MYBL2: variants seen among roughly 807,000 people sequenced by gnomAD.
MYBL2 encodes MYB proto-oncogene like 2, also known as myb-related protein B.
Under a neutral mutation model 79.9 loss-of-function variants are expected in MYBL2, and 28 were observed. The observed-to-expected ratio is 0.35, with a 90% confidence interval of 0.26 to 0.48. The LOEUF is 0.48. MYBL2 is among the 20% of genes least tolerant of loss of function. The pLI, the probability that MYBL2 is intolerant of heterozygous loss-of-function variation, is 0.99. For missense variants in MYBL2, 735 were observed against 893.9 expected (o/e 0.82, Z 2.27); for synonymous variants, 378 against 361.2 (o/e 1.05, Z -0.53).
intron 2 of MYBL2, among the ~76,000 whole-genome samples, chr20:43,674,228 C>CCA (rs983555288): frequency 8.9e-6 from 1 of 111,820 alleles, no homozygotes; most frequent in African/African-American, 3.0e-5. Context: ...TGTAACTCCC[C>CCA]CCACCCTTTT....
intron 5 of MYBL2, among the ~76,000 whole-genome samples, chr20:43,689,689 T>C (rs1987361024): frequency 6.6e-6 from 1 of 152,232 alleles, no homozygotes; most frequent in Non-Finnish European, 1.5e-5. Flanking sequence ...GAGTAGTGTG[T>C]ACCCCAGTTG....
chr20:43,692,307 C>T lies in MYBL2; in HGVS notation c.651C>T (p.Pro217=), dbSNP rs200332120. The part of the protein sequence containing the change: ...EDKDGLQSAQ[P]TEGQGSLLTN... ...AGGACGGCCTCCAGAGTGCCCAGCC[C>T]ACGGAAGGCCAGGTGAGACAGCTGC... Residue 217 remains proline, a synonymous_variant, in exon 6 of 14, where the codon CCC becomes CCT. Transcript: ENST00000217026. The T allele has an allele frequency of 6.2e-6, 10 of 1,614,078 alleles. No homozygotes were observed. The highest frequency in any genetic ancestry group is 7.6e-6 in the Non-Finnish European group (9 of 1,179,960).
intron 4 of MYBL2, among the ~76,000 whole-genome samples, chr20:43,685,722 C>T (rs1389673515): frequency 1.3e-5 from 2 of 151,016 alleles, no homozygotes; most frequent in Non-Finnish European, 3.0e-5. Context: ...CCCACTGCAC[C>T]CCAGCCTGGG....
chr20:43,713,606 C>T (rs766005146), intron 12 of MYBL2, among the ~76,000 whole-genome samples: 53 of 152,094 alleles, frequency 3.5e-4, no homozygotes, highest in Admixed American at 8.5e-4. Flanking sequence ...AGGCTGGTCT[C>T]GAACTCCCCA....
chr20:43,688,765 G>A (rs1003955852), intron 5 of MYBL2, among the ~76,000 whole-genome samples: 2 of 151,918 alleles, frequency 1.3e-5, no homozygotes, highest in African/African-American at 4.8e-5. Flanking sequence ...CTTATTTTGT[G>A]GTTTCAATAG....
rs531746265 is a variant in MYBL2 at position 43,710,788 on chromosome 20, C to T, written c.1606-700C>T. 3.7e-4 allele frequency among the ~76,000 whole-genome samples: 57 copies of T among 152,284 alleles called. 1 individual carries two copies. The highest frequency in any genetic ancestry group is 1.2e-3 in the African/African-American group (51 of 41,576). On this transcript the variant is annotated intron_variant, in intron 10 of 13. Transcript: ENST00000217026. Reference sequence around the variant, plus strand: ...GATTCTGAGTCAAGCAGACTTTCCACGGACCATGCTACATGAGCCGAGGTG... The same window carrying T: ...GATTCTGAGTCAAGCAGACTTTCCATGGACCATGCTACATGAGCCGAGGTG...
intron 4 of MYBL2, among the ~76,000 whole-genome samples, chr20:43,684,532 G>T (rs1212993269): frequency 1.4e-5 from 2 of 145,622 alleles, no homozygotes. Context: ...ACTGTGCCCG[G>T]CCTTTTTTTT....
chr20:43,690,199 T>G (rs926954556), intron 5 of MYBL2, among the ~76,000 whole-genome samples: 10 of 151,956 alleles, frequency 6.6e-5, no homozygotes, highest in Non-Finnish European at 1.3e-4. Flanking sequence ...TTTGTTTTTT[T>G]TTTTTTGTTT....
chr20:43,713,251 A>T lies in MYBL2; in HGVS notation c.1824+145A>T, dbSNP rs1015130140. The T allele has an allele frequency of 2.4e-5, 15 of 626,470 alleles. No homozygotes were observed. The Admixed American group carries it at 4.1e-4, about 17-fold the overall frequency. 38.8% of individuals were successfully genotyped at this position (626,470 alleles called of 1,614,324 possible). A position where few individuals can be genotyped will look rare whatever the true frequency, so the allele number is the denominator to read the frequency against. ...GGAGGGTGGGTCCGGGCACCCACTC[A>T]TGGCTTCAGTCAGCAGCTCTGCTTG... On this transcript the variant is annotated intron_variant, in intron 12 of 13. Coordinates refer to ENST00000217026, the MANE Select transcript of MYBL2 (RefSeq NM_002466.4).
chr20:43,705,763 C>T (rs1025167772), intron 9 of MYBL2, among the ~76,000 whole-genome samples: 9 of 151,436 alleles, frequency 5.9e-5, no homozygotes, highest in Admixed American at 3.3e-4. Flanking sequence ...TGCAATGGCG[C>T]GATCTTGGCT....
intron 7 of MYBL2, 42 bp downstream of exon 7, chr20:43,700,086 C>G: frequency 1.3e-6 from 2 of 1,592,476 alleles, no homozygotes; most frequent in Non-Finnish European, 8.6e-7. Context: ...CAGAACACCC[C>G]CAGCAGGAAG....
In MYBL2 at chr20:43,667,283, G is replaced by A; in HGVS notation, c.-1G>A. On this transcript the variant is annotated 5_prime_UTR_variant, in exon 1 of 14. Transcript: ENST00000217026. ...AGCGCGGCGCGGTCCGGGCCGGGGGGATGTCTCGGCGGACGCGCTGGTGAG... is the reference window on the plus strand; with the variant it reads ...AGCGCGGCGCGGTCCGGGCCGGGGGAATGTCTCGGCGGACGCGCTGGTGAG... 8.1e-7 allele frequency: 1 copy of A among 1,227,692 alleles called. No homozygotes were observed. The highest frequency in any genetic ancestry group is 4.3e-5 in the Admixed American group (1 of 23,496). The allele number at this position is 1,227,692 out of a possible 1,614,324, so 76.0% of individuals were successfully genotyped here.
intron 2 of MYBL2, among the ~76,000 whole-genome samples, chr20:43,680,644 A>G (rs186865288): frequency 6.6e-6 from 1 of 151,826 alleles, no homozygotes; most frequent in East Asian, 2.0e-4. Context: ...ACAGGCACCC[A>G]CCACCACACC....
rs1988025869 is a variant in MYBL2 at position 43,716,080 on chromosome 20, T to C, written c.2096T>C (p.Leu699Ser). The C allele has an allele frequency of 1.9e-6, 3 of 1,606,774 alleles. No homozygotes were observed. Among genetic ancestry groups the C allele is most frequent in the Non-Finnish European group, 2.5e-6 (3 of 1,179,642 alleles). The change falls in exon 14 of 14, where the codon TTG becomes TCG. Residue 699 changes from leucine (L) to serine (S), a missense_variant. Transcript: ENST00000217026. The part of the protein sequence containing the change: ...KPSHTSRTLI[L>S]S ...AGCCACACATCTCGGACCCTCATCT[T>C]GTCCTGAGGTGTTGAGGGTGTCACG...
chr20:43,678,165 C>CGGAA (rs1987057860), intron 2 of MYBL2, among the ~76,000 whole-genome samples: 1 of 152,074 alleles, frequency 6.6e-6, no homozygotes. Context: ...ACAAACACTG[C>CGGAA]GGAAGGCCGC....
chr20:43,711,705 TG>T (rs1987911968), intron 11 of MYBL2, 104 bp downstream of exon 11: 2 of 997,552 alleles, frequency 2.0e-6, no homozygotes, highest in Non-Finnish European at 3.0e-6. Context: ...CTGGGGAGAA[TG>T]GGGGCGTAGC....
chr20:43,667,302 T>C lies in MYBL2; in HGVS notation c.19T>C (p.Cys7Arg). ...CGGGGGGATGTCTCGGCGGACGCGC[T>C]GGTGAGACGAGCCGGGAGGGCTTGG... The part of the protein sequence containing the change: MSRRTR[C>R]EDLDELHYQD... The change falls in exon 1 of 14, where the codon TGC (cysteine) becomes CGC (arginine). Residue 7 changes from cysteine (C) to arginine (R), a missense_variant and splice_region_variant. By Grantham distance (180) the Cys-to-Arg change is radical. This residue lies in a region of MYBL2 where 79 missense variants were observed against 86.7 expected (regional missense o/e 0.91). Transcript: ENST00000217026. The C allele has an allele frequency of 8.1e-7, 1 of 1,228,856 alleles. No homozygotes were observed. The highest frequency in any genetic ancestry group is 3.2e-5 in the East Asian group (1 of 31,400). 76.1% of individuals were successfully genotyped at this position (1,228,856 alleles called of 1,614,324 possible).
Position 43,667,147 on chromosome 20 carries a change from C to T in MYBL2, c.-137C>T. ...TTCCTGCGAGCGAGGAGCGCGGGAC[C>T]TGCTGACACGCTGACGCCTTCGAGC... On this transcript the variant is annotated 5_prime_UTR_variant, in exon 1 of 14. Coordinates refer to ENST00000217026, the MANE Select transcript of MYBL2 (RefSeq NM_002466.4). 2.5e-6 allele frequency: 1 copy of T among 401,348 alleles called. No individual in the cohort carries two copies. The highest frequency in any genetic ancestry group is 3.8e-6 in the Non-Finnish European group (1 of 261,272). The allele number at this position is 401,348 out of a possible 1,614,324, so 24.9% of individuals were successfully genotyped here.
intron 6 of MYBL2, among the ~76,000 whole-genome samples, chr20:43,695,214 T>A (rs762671615): frequency 2.0e-5 from 3 of 152,086 alleles, no homozygotes; most frequent in Non-Finnish European, 4.4e-5. Context: ...CAAATTTTTG[T>A]ATTTTTAGTA....
Sources: gnomAD v4.1 joint callset for allele counts (sites outside exome capture counted in the v4.1 genomes callset) on GRCh38, gnomAD v4.1.1 for gene constraint, gnomAD v4.1.1 regional missense constraint, MANE v1.5 for transcripts, NCBI Gene and HGNC (gene_info 2026-07-23, HGNC 2026-07-21) for gene names.